The following SYTL5 variants were observed in gnomAD, a reference collection of about 807,000 sequenced individuals.
SYTL5 encodes the protein synaptotagmin like 5, also known as synaptotagmin-like protein 5.
SYTL5 carries 34 observed loss-of-function variants against 55.9 expected under a neutral mutation model. The observed-to-expected ratio is 0.61, with a 90% CI of 0.46 to 0.81. The LOEUF is 0.81. SYTL5 is among the 30% of genes least tolerant of loss of function. The probability of loss-of-function intolerance (pLI) is 0.00; values close to 1 mark genes in which losing one functional copy is unlikely to be tolerated. For synonymous variants in SYTL5, 221 were observed against 188.7 expected (o/e 1.17, Z -1.40); for missense variants, 637 against 546.7 (o/e 1.17, Z -1.65).
chrX:38,096,883 G>C (rs1936952617), intron 9 of SYTL5, among the ~76,000 whole-genome samples: 1 of 111,022 alleles, frequency 9.0e-6, no homozygotes, highest in African/African-American at 3.3e-5. Flanking sequence ...AAAAAACTGG[G>C]AAAATACTTT....
At chrX:38,059,056 T>C (rs1935868375) in intron 3 of SYTL5, among the ~76,000 whole-genome samples, 1 of 111,667 alleles carries the variant, frequency 9.0e-6, no homozygotes, top group Admixed American at 9.5e-5. Context: ...AATCCTGCCT[T>C]TGTGTCTAAT....
chrX:37,960,774 AT>A, the SYTL5 span, among the ~76,000 whole-genome samples: 1 of 62,551 alleles, frequency 1.6e-5, no homozygotes, highest in African/African-American at 8.3e-5. Flanking sequence ...ATTTTTATTT[AT>A]TTATTTATTT....
rs150561339 is a variant in SYTL5, at chrX:38,116,532, T to C, written c.1597-3826T>C. Among the ~76,000 whole-genome samples the C allele has an allele frequency of 1.3e-3, 147 of 112,589 alleles. 5 individuals are homozygous for C. The East Asian group carries it at 0.039, about 30-fold the overall frequency. On this transcript the variant is annotated intron_variant, in intron 13 of 16. Transcript: ENST00000297875. Reference sequence around the variant, plus strand: ...GATTCTAATTTGAGCTTTTCTCAAATGAAACAAGAACATAAGAATACTTTC... The same window carrying C: ...GATTCTAATTTGAGCTTTTCTCAAACGAAACAAGAACATAAGAATACTTTC...
At chrX:37,983,544 A>G in the SYTL5 span, among the ~76,000 whole-genome samples, 2 of 112,412 alleles carry the variant, frequency 1.8e-5, no homozygotes, top group Admixed American at 1.9e-4. Flanking sequence ...TAGACAATTT[A>G]ACAATAATAG....
At chrX:37,971,921 T>C in the SYTL5 span, among the ~76,000 whole-genome samples, 25 of 109,857 alleles carry the variant, frequency 2.3e-4, no homozygotes, top group East Asian at 4.9e-3. Flanking sequence ...GACTCTACAG[T>C]TTGTCACCAC....
At chrX:38,077,617 A>G (rs1602373185) in intron 6 of SYTL5, among the ~76,000 whole-genome samples, 1 of 110,949 alleles carries the variant, frequency 9.0e-6, no homozygotes, top group African/African-American at 3.3e-5. Flanking sequence ...TTTTGTCCCT[A>G]TAACAGTCCT....
At chrX:38,035,459 C>G (rs1449786700) in intron 2 of SYTL5, among the ~76,000 whole-genome samples, 2 of 110,161 alleles carry the variant, frequency 1.8e-5, no homozygotes, top group Non-Finnish European at 3.8e-5. Context: ...GGCGTGGTGG[C>G]GGGTGCCTGT....
At chrX:37,890,904 GC>G in the SYTL5 span, among the ~76,000 whole-genome samples, 1 of 112,008 alleles carries the variant, frequency 8.9e-6, no homozygotes, top group South Asian at 3.8e-4. Context: ...AGGTGTGGTG[GC>G]CTATATCTGT....
rs141889136 is a variant in SYTL5, at chrX:38,102,094, G to T, written c.1063-248G>T. Among the ~76,000 whole-genome samples, 489 of 110,446 alleles carry T rather than the reference G, an allele frequency of 4.4e-3. 2 individuals carry two copies. Among genetic ancestry groups the T allele is most frequent in the African/African-American group, 0.015 (461 of 30,433 alleles). ...AGGTCTGTATGATTCCAAATTTCAT[G>T]TTCTTTCAATAAAGTAAGCACCATT... On this transcript the variant is annotated intron_variant, in intron 9 of 16. Transcript: ENST00000297875.
At chrX:38,106,977 C>G (rs1937234598) in intron 11 of SYTL5, among the ~76,000 whole-genome samples, 1 of 112,513 alleles carries the variant, frequency 8.9e-6, no homozygotes, top group African/African-American at 3.2e-5. Flanking sequence ...ATTTTTAAAA[C>G]ATAATTCAGG....
chrX:38,000,741 C>T, the SYTL5 span, among the ~76,000 whole-genome samples: 1 of 111,867 alleles, frequency 8.9e-6, no homozygotes, highest in African/African-American at 3.3e-5. Context: ...AGAACGAGTG[C>T]GAGGTTTTAT....
chrX:38,026,830 T>A (rs1274169116), intron 1 of SYTL5, among the ~76,000 whole-genome samples: 1 of 111,897 alleles, frequency 8.9e-6, no homozygotes, highest in Non-Finnish European at 1.9e-5. Flanking sequence ...TCCTGTCTCA[T>A]CCTGTGACTT....
the SYTL5 span, among the ~76,000 whole-genome samples, chrX:37,966,669 C>G: frequency 9.0e-6 from 1 of 110,861 alleles, no homozygotes; most frequent in Non-Finnish European, 1.9e-5. Flanking sequence ...AACTCCTGAC[C>G]TTGTGATCCG....
intron 2 of SYTL5, among the ~76,000 whole-genome samples, chrX:38,038,763 C>T (rs1012879958): frequency 4.5e-5 from 5 of 111,754 alleles, no homozygotes; most frequent in African/African-American, 1.6e-4. Flanking sequence ...GAAATGGAAA[C>T]CAAAATTTTT....
intron 3 of SYTL5, among the ~76,000 whole-genome samples, chrX:38,068,759 A>G (rs1936172887): frequency 9.0e-6 from 1 of 110,764 alleles, no homozygotes; most frequent in Admixed American, 9.7e-5. Context: ...GCAACAATAG[A>G]TACTGTGGAC....
At chrX:37,966,850 T>C in the SYTL5 span, among the ~76,000 whole-genome samples, 2 of 112,107 alleles carry the variant, frequency 1.8e-5, no homozygotes, top group Non-Finnish European at 3.8e-5. Context: ...AATTTGCCTA[T>C]ATATTTACCT....
intron 3 of SYTL5, among the ~76,000 whole-genome samples, chrX:38,069,659 GTGATTGCTTTGGGCCCA>G (rs1166417783): frequency 1.8e-5 from 2 of 112,100 alleles, no homozygotes; most frequent in African/African-American, 6.5e-5. Flanking sequence ...AAGGGCTTAT[GTGATTGCTTTGGGCCCA>G]TGTGGATAAT....
At chrX:38,042,863 T>C (rs1295396242) in intron 2 of SYTL5, among the ~76,000 whole-genome samples, 2 of 111,865 alleles carry the variant, frequency 1.8e-5, no homozygotes, top group African/African-American at 6.5e-5. Context: ...GAAAATGATA[T>C]AAGTGAAAAC....
chrX:38,001,149 C>A, the SYTL5 span, among the ~76,000 whole-genome samples: 3 of 110,844 alleles, frequency 2.7e-5, no homozygotes. Flanking sequence ...CCTCCCCTAC[C>A]CAGCACTTCC....
Sources: gnomAD v4.1 joint callset for allele counts (sites outside exome capture counted in the v4.1 genomes callset) on GRCh38, gnomAD v4.1.1 for gene constraint, MANE v1.5 for transcripts, NCBI Gene and HGNC (gene_info 2026-07-23, HGNC 2026-07-21) for gene names.